NBAS: variants seen among roughly 807,000 people sequenced by gnomAD.
The protein encoded by NBAS is NBAS subunit of NRZ tethering complex.
A neutral mutation model predicts 302.5 loss-of-function variants in NBAS; 219 were observed. The ratio of observed to expected loss-of-function variants is 0.72; its 90% CI spans 0.65 to 0.81. The LOEUF (loss-of-function observed/expected upper bound fraction) is 0.81. Ranked by LOEUF, NBAS falls within the 30% of genes least tolerant of loss-of-function variation. The probability of loss-of-function intolerance (pLI) is 0.00; values close to 1 mark genes in which losing one functional copy is unlikely to be tolerated. For missense variants in NBAS, 2,932 were observed against 2,841.6 expected, an observed-to-expected ratio of 1.03 and a Z score of -0.72; for synonymous variants, 1,118 against 1,021.6, an observed-to-expected ratio of 1.09 and a Z score of -1.80.
chr2:15,157,126 C>T, the NBAS span, among the ~76,000 whole-genome samples: 1 of 152,140 alleles, frequency 6.6e-6, no homozygotes, highest in Admixed American at 6.5e-5. Flanking sequence ...CACCCCACCA[C>T]ACCAAGGAAA....
At chr2:14,819,568 G>A in the NBAS span, among the ~76,000 whole-genome samples, 1 of 152,288 alleles carries the variant, frequency 6.6e-6, no homozygotes, top group South Asian at 2.1e-4. Flanking sequence ...GGATTTCAAG[G>A]ACTTAAGTCA....
chr2:14,966,820 A>C, the NBAS span, among the ~76,000 whole-genome samples: 3 of 141,222 alleles, frequency 2.1e-5, no homozygotes, highest in African/African-American at 8.7e-5. Flanking sequence ...TAAGAAAAAG[A>C]AGTAGAAGTC....
chr2:15,301,428 C>T (rs977047592), intron 40 of NBAS, among the ~76,000 whole-genome samples: 8 of 152,332 alleles, frequency 5.3e-5, no homozygotes, highest in South Asian at 2.1e-4. Flanking sequence ...GCTCTGCTCT[C>T]ACACCACAAC....
the NBAS span, among the ~76,000 whole-genome samples, chr2:15,001,560 A>G: frequency 1.3e-5 from 2 of 152,214 alleles, no homozygotes; most frequent in Non-Finnish European, 2.9e-5. Flanking sequence ...ATGCTACAAC[A>G]TAGTAAATGT....
At chr2:15,185,829 T>C (rs972013414) in intron 50 of NBAS, among the ~76,000 whole-genome samples, 2 of 152,144 alleles carry the variant, frequency 1.3e-5, no homozygotes, top group Non-Finnish European at 2.9e-5. Context: ...TAAATGTGCA[T>C]TCATGAGAAT....
intron 48 of NBAS, among the ~76,000 whole-genome samples, chr2:15,203,892 G>C (rs1229762127): frequency 7.7e-6 from 1 of 129,976 alleles, no homozygotes; most frequent in East Asian, 2.0e-4. Context: ...GTGTGTGCTT[G>C]TGTGTGTGTG....
the NBAS span, among the ~76,000 whole-genome samples, chr2:14,935,987 C>T: frequency 6.6e-6 from 1 of 152,216 alleles, no homozygotes; most frequent in Non-Finnish European, 1.5e-5. Context: ...TCGTCAGACT[C>T]ATCCGAATAA....
the NBAS span, among the ~76,000 whole-genome samples, chr2:14,952,240 GC>G: frequency 6.6e-6 from 1 of 152,166 alleles, no homozygotes; most frequent in African/African-American, 2.4e-5. Context: ...GCACTCTCAC[GC>G]CCAGGTGCTT....
Position 15,475,726 on chromosome 2 carries a change from T to C in NBAS, c.1302A>G (p.Gln434=), listed in dbSNP as rs750627168. The C allele has an allele frequency of 2.5e-6, 4 of 1,614,152 alleles. No homozygotes were observed. The highest frequency in any genetic ancestry group is 1.7e-5 in the Admixed American group (1 of 60,020). Residue 434 remains glutamine, a synonymous_variant, in exon 14 of 52, where the codon CAA becomes CAG. Coordinates refer to ENST00000281513, the MANE Select transcript of NBAS (RefSeq NM_015909.4). ...ATCCCCCATCATGGGTAGCAGTGAC[T>C]TGAGGTGATGGTTCAAACCATTCAC... The part of the protein sequence containing the change: ...KSCEWFEPSP[Q]VTATHDGGFL...
the NBAS span, among the ~76,000 whole-genome samples, chr2:14,868,685 A>C: frequency 1.3e-5 from 2 of 152,232 alleles, no homozygotes; most frequent in Non-Finnish European, 2.9e-5. Context: ...GTTTAGTCTA[A>C]CTAACAAAGC....
chr2:15,120,031 G>C, the NBAS span, among the ~76,000 whole-genome samples: 11 of 152,164 alleles, frequency 7.2e-5, no homozygotes, highest in African/African-American at 2.7e-4. Flanking sequence ...GGGCACACCT[G>C]TTCCTAGTTC....
At chr2:15,392,459 A>C (rs539008267) in intron 28 of NBAS, among the ~76,000 whole-genome samples, 1 of 152,110 alleles carries the variant, frequency 6.6e-6, no homozygotes, top group South Asian at 2.1e-4. Flanking sequence ...TGAAGAATCA[A>C]CTGTATTTCT....
intron 51 of NBAS, among the ~76,000 whole-genome samples, chr2:15,174,973 TTTTA>T (rs1664465361): frequency 6.6e-6 from 1 of 152,132 alleles, no homozygotes; most frequent in South Asian, 2.1e-4. Context: ...ACTTTTTATT[TTTTA>T]TTTATTTATT....
chr2:15,366,285 G>A lies in NBAS; in HGVS notation c.3817+295C>T, dbSNP rs563096724. On this transcript the variant is annotated intron_variant, in intron 32 of 51. Coordinates refer to ENST00000281513, the MANE Select transcript of NBAS (RefSeq NM_015909.4). ...AACCATTTTGAGGCACCCTGAATAAGCTTGTCTTCGTTTAAGTAATAGATA... is the reference window on the plus strand; with the variant it reads ...AACCATTTTGAGGCACCCTGAATAAACTTGTCTTCGTTTAAGTAATAGATA... 1.7e-4 allele frequency among the ~76,000 whole-genome samples: 26 copies of A among 152,278 alleles called. No individual in the cohort carries two copies. The East Asian group carries it at 2.7e-3, about 16-fold the overall frequency.
intron 25 of NBAS, among the ~76,000 whole-genome samples, chr2:15,410,282 C>T (rs185768362): frequency 9.5e-4 from 145 of 152,232 alleles, no homozygotes; most frequent in African/African-American, 3.4e-3. Flanking sequence ...TTTGTGAATT[C>T]TATCATCTGG....
At chr2:15,553,509 T>G in intron 4 of NBAS, 36 bp from the exon 5 acceptor site, 1 of 1,559,122 alleles carries the variant, frequency 6.4e-7, no homozygotes, top group South Asian at 1.1e-5. Flanking sequence ...AGAAAATCTA[T>G]TATGAATATC....
rs574319948 is a variant in NBAS, at chr2:15,474,702, A to G, written c.1342-378T>C. Among the ~76,000 whole-genome samples the G allele has an allele frequency of 5.3e-5, 8 of 152,220 alleles. No individual in the cohort carries two copies. The South Asian group carries it at 1.7e-3, about 32-fold the overall frequency. ...CAGCCTCCCGAGTAGCTGGGATTAC[A>G]GGCACCCGCCACCACGCCCAGCCAA... On this transcript the variant is annotated intron_variant, in intron 14 of 51. Transcript: ENST00000281513.
At chr2:14,853,098 G>T in the NBAS span, among the ~76,000 whole-genome samples, 13 of 122,530 alleles carry the variant, frequency 1.1e-4, no homozygotes, top group African/African-American at 4.3e-4. Flanking sequence ...AAGAGCTTCT[G>T]CACAGCAAAA....
the NBAS span, among the ~76,000 whole-genome samples, chr2:15,130,485 A>C: frequency 6.6e-6 from 1 of 152,230 alleles, no homozygotes; most frequent in Non-Finnish European, 1.5e-5. Context: ...AGAGCCCTAC[A>C]CAGTCAATGG....
Sources: allele counts gnomAD v4.1 joint callset (sites outside exome capture counted in the v4.1 genomes callset), GRCh38; gene constraint gnomAD v4.1.1; transcripts MANE v1.5; gene names NCBI Gene and HGNC (gene_info 2026-07-23, HGNC 2026-07-21).